The following GATA4 variants were observed in gnomAD, a reference collection of about 807,000 sequenced individuals.
GATA4 encodes transcription factor GATA-4.
A neutral mutation model predicts 37.9 loss-of-function variants in GATA4; 7 were observed. That is an observed-to-expected ratio of 0.18 (90% CI 0.11 to 0.35). The LOEUF (loss-of-function observed/expected upper bound fraction) is 0.35, where lower values mean the gene tolerates loss of function less well. GATA4 is among the 10% of genes least tolerant of loss of function. The pLI, the probability that GATA4 is intolerant of heterozygous loss-of-function variation, is 1.00. For missense variants in GATA4, 647 were observed against 653.0 expected (o/e 0.99, Z 0.10); for synonymous variants, 372 against 292.6 (o/e 1.27, Z -2.77).
chr8:11,746,545 C>G (rs1163305579), intron 2 of GATA4, among the ~76,000 whole-genome samples: 1 of 152,230 alleles, frequency 6.6e-6, no homozygotes, highest in Admixed American at 6.5e-5. Flanking sequence ...CCCAACAAAA[C>G]GACGACGTTG....
At chr8:11,689,306 A>G (rs1378240772), upstream of GATA4, among the ~76,000 whole-genome samples, 3 of 152,266 alleles carry the variant, frequency 2.0e-5, no homozygotes, top group Non-Finnish European at 4.4e-5. Context: ...ACTGAGGCTC[A>G]GCAAATTCAA....
At chr8:11,712,690 T>TAA (rs3030047) in intron 2 of GATA4, among the ~76,000 whole-genome samples, 4,381 of 92,902 alleles carry the variant, frequency 0.047, 374 homozygotes, top group African/African-American at 0.17. Context: ...ACCACATCTC[T>TAA]AAAAAAAAAA....
At chr8:11,695,927 T>C (rs1024901862) in intron 1 of GATA4, among the ~76,000 whole-genome samples, 4 of 152,132 alleles carry the variant, frequency 2.6e-5, no homozygotes, top group African/African-American at 9.7e-5. Context: ...CCTTGAAAAA[T>C]GATCCTTTAA....
chr8:11,679,928 T>A (rs1417083180), intron 1 of GATA4, among the ~76,000 whole-genome samples: 1 of 152,242 alleles, frequency 6.6e-6, no homozygotes, highest in Non-Finnish European at 1.5e-5. Flanking sequence ...TGTCGCCGAA[T>A]AGTTTACAAA....
intron 1 of GATA4, among the ~76,000 whole-genome samples, chr8:11,687,472 G>A (rs1799174264): frequency 6.6e-6 from 1 of 152,164 alleles, no homozygotes; most frequent in Non-Finnish European, 1.5e-5. Flanking sequence ...ACCAAACAGA[G>A]CTCTGTGCCC....
At chr8:11,756,280 C>T (rs1308384430) in intron 5 of GATA4, among the ~76,000 whole-genome samples, 1 of 152,180 alleles carries the variant, frequency 6.6e-6, no homozygotes, top group Admixed American at 6.5e-5. Flanking sequence ...CATGGCTTAT[C>T]CCTTCTGGCA....
chr8:11,705,375 T>G (rs1416929431), intron 1 of GATA4, among the ~76,000 whole-genome samples: 2 of 152,232 alleles, frequency 1.3e-5, no homozygotes, highest in African/African-American at 4.8e-5. Flanking sequence ...TCCTCCTCGC[T>G]GCAGGCCGAG....
chr8:11,726,071 C>G (rs1322222232), intron 2 of GATA4, among the ~76,000 whole-genome samples: 1 of 152,334 alleles, frequency 6.6e-6, no homozygotes, highest in East Asian at 1.9e-4. Context: ...CTTCTGGGGT[C>G]CGGAATACCA....
intron 1 of GATA4, among the ~76,000 whole-genome samples, chr8:11,678,300 T>C (rs950496293): frequency 1.3e-5 from 2 of 152,178 alleles, no homozygotes; most frequent in African/African-American, 2.4e-5. Context: ...CTATTACAAA[T>C]ATTAGCTTTG....
intron 2 of GATA4, among the ~76,000 whole-genome samples, chr8:11,712,528 A>G (rs1439363904): frequency 6.6e-6 from 1 of 152,000 alleles, no homozygotes; most frequent in Non-Finnish European, 1.5e-5. Context: ...TTAAAAAAAG[A>G]AATATTGACC....
intron 2 of GATA4, among the ~76,000 whole-genome samples, chr8:11,720,593 C>G (rs1175985960): frequency 6.6e-6 from 1 of 152,110 alleles, no homozygotes; most frequent in African/African-American, 2.4e-5. Flanking sequence ...TACTCGTCTC[C>G]CTCCTCCCAC....
intron 1 of GATA4, chr8:11,693,162 G>A: frequency 1.2e-6 from 1 of 867,476 alleles, no homozygotes; most frequent in Non-Finnish European, 1.4e-6. Flanking sequence ...GAGCTGTAAG[G>A]AAGCTTAGAA....
In GATA4 at chr8:11,708,266, C is replaced by A; in HGVS notation, c.-47C>A. 2 of 1,547,016 alleles carry A rather than the reference C, an allele frequency of 1.3e-6. No homozygotes were observed. The highest frequency in any genetic ancestry group is 1.7e-6 in the Non-Finnish European group (2 of 1,152,366). On this transcript the variant is annotated 5_prime_UTR_variant, in exon 2 of 7. Coordinates refer to ENST00000532059, the MANE Select transcript of GATA4 (RefSeq NM_001308093.3). The surrounding 1 kb of genome is among the most constrained non-coding windows in gnomAD (Gnocchi z 6.7). ...TTTCTCTCCCCGCGTGGCTCCTTGACCTGCGAGGGAGAGAGAGGACACCGA... is the reference window on the plus strand; with the variant it reads ...TTTCTCTCCCCGCGTGGCTCCTTGAACTGCGAGGGAGAGAGAGGACACCGA...
chr8:11,741,191 C>T (rs1030557108), intron 2 of GATA4, among the ~76,000 whole-genome samples: 2 of 152,100 alleles, frequency 1.3e-5, no homozygotes, highest in African/African-American at 4.8e-5. Context: ...CAAGAAAGTG[C>T]TTGTGGCCAG....
At chr8:11,726,405 G>A (rs960576076) in intron 2 of GATA4, among the ~76,000 whole-genome samples, 14 of 152,184 alleles carry the variant, frequency 9.2e-5, no homozygotes, top group Admixed American at 6.5e-4. Flanking sequence ...CTAACATTAT[G>A]TTCTCAAAGG....
upstream of GATA4, among the ~76,000 whole-genome samples, chr8:11,691,391 C>T (rs4476971): frequency 2.1e-3 from 320 of 152,314 alleles, 3 homozygotes; most frequent in East Asian, 0.014. Context: ...GCCTCAACCT[C>T]CCAGGTTCAA....
In GATA4 at chr8:11,749,067, C is replaced by A. The variant is rs760250504; in HGVS notation, c.768C>A (p.Ile256=). Residue 256 remains isoleucine (I), a synonymous_variant, in exon 3 of 7, where the codon ATC becomes ATA. Coordinates refer to ENST00000532059, the MANE Select transcript of GATA4 (RefSeq NM_001308093.3). The surrounding 1 kb of genome is among the most constrained non-coding windows in gnomAD (Gnocchi z 4.6). The part of the protein sequence containing the change: ...HKMNGINRPL[I]KPQRRLSASR... The stretch of plus-strand genomic sequence containing the variant: ...TGAACGGCATCAACCGGCCGCTCAT[C>A]AAGCCTCAGCGCCGGCTGGTAAGCA... 5.0e-6 allele frequency: 8 copies of A among 1,614,122 alleles called. No homozygotes were observed. Among genetic ancestry groups the A allele is most frequent in the Non-Finnish European group, 5.9e-6 (7 of 1,180,048 alleles).
chr8:11,746,977 C>T (rs892939099), intron 2 of GATA4, among the ~76,000 whole-genome samples: 1 of 152,224 alleles, frequency 6.6e-6, no homozygotes, highest in Non-Finnish European at 1.5e-5. Context: ...CCCCCACCAT[C>T]CTCTTCTCTG....
At position 11,757,048 on chromosome 8, in the gene GATA4, T is replaced by A; in HGVS notation, c.1114T>A (p.Ser372Thr). 1.2e-6 allele frequency: 2 copies of A among 1,614,176 alleles called. No individual in the cohort carries two copies. The highest frequency in any genetic ancestry group is 1.7e-6 in the Non-Finnish European group (2 of 1,180,030). Reference sequence around the variant, plus strand: ...TCCCATCAAGACGGAGCCTGGCCTGTCATCTCACTACGGGCACAGCAGCTC... The same window carrying A: ...TCCCATCAAGACGGAGCCTGGCCTGACATCTCACTACGGGCACAGCAGCTC... Reference protein sequence around the residue: ...MRPIKTEPGLSSHYGHSSSVS... With the variant: ...MRPIKTEPGLTSHYGHSSSVS... The change falls in exon 6 of 7, where the codon TCA becomes ACA. Residue 372 changes from serine (S) to threonine (T), a missense_variant. Ser to Thr is a moderately conservative substitution (Grantham distance 58). Around this residue, in one of 5 missense-constraint regions of GATA4, gnomAD observed 184 missense variants for 157.1 expected, o/e 1.17. Transcript: ENST00000532059.
Sources: allele counts gnomAD v4.1 joint callset (sites outside exome capture counted in the v4.1 genomes callset), GRCh38; gene constraint gnomAD v4.1.1; regional missense constraint gnomAD v4.1.1; non-coding constraint Gnocchi (gnomAD v3.1); transcripts MANE v1.5; gene names NCBI Gene and HGNC (gene_info 2026-07-23, HGNC 2026-07-21).